The following RSRC1 variants were observed in gnomAD, a reference collection of about 807,000 sequenced individuals.
RSRC1 encodes serine/Arginine-related protein 53.
Under a neutral mutation model 49.1 loss-of-function variants are expected in RSRC1, and 39 were observed. The ratio of observed to expected loss-of-function variants is 0.79; its 90% CI spans 0.61 to 1.04. The LOEUF (loss-of-function observed/expected upper bound fraction) is 1.04, where lower values mean the gene tolerates loss of function less well. Among genes scored for constraint, RSRC1 ranks in the 50% least tolerant of loss-of-function variants. The pLI is 0.00. For missense variants in RSRC1, 388 were observed against 402.4 expected, an observed-to-expected ratio of 0.96 and a Z score of 0.31; for synonymous variants, 143 against 130.8, an observed-to-expected ratio of 1.09 and a Z score of -0.63.
intron 6 of RSRC1, among the ~76,000 whole-genome samples, chr3:158,370,711 A>AAGC (rs1443614795): frequency 6.6e-6 from 1 of 151,762 alleles, no homozygotes; most frequent in African/African-American, 2.4e-5. Flanking sequence ...GCTTATATGG[A>AAGC]TGTTTGTGTA....
In RSRC1 at chr3:158,171,917, A is replaced by T. The variant is rs76756643; in HGVS notation, c.321-31155A>T. Among the ~76,000 whole-genome samples, 37 of 152,138 alleles carry T rather than the reference A, an allele frequency of 2.4e-4. 2 individuals are homozygous for T. In the East Asian group the frequency reaches 3.1e-3, roughly 13 times the overall value. ...GAGCAAACCATGATCATCCCACTGC[A>T]CTCCAGCCTGGGTAACAGAGCAAGG... On this transcript the variant is annotated intron_variant, in intron 3 of 9. Transcript: ENST00000611884.
chr3:158,229,423 T>C (rs1416441727), intron 4 of RSRC1, among the ~76,000 whole-genome samples: 4 of 150,098 alleles, frequency 2.7e-5, no homozygotes, highest in African/African-American at 7.3e-5. Flanking sequence ...TGTGTATGTA[T>C]GTATGTATAT....
intron 4 of RSRC1, among the ~76,000 whole-genome samples, chr3:158,289,679 T>G (rs1238540234): frequency 2.0e-5 from 3 of 152,304 alleles, no homozygotes; most frequent in Middle Eastern, 6.8e-3. Context: ...AAGAGAAAAG[T>G]GCTAAGAATT....
rs553605000 is a variant in RSRC1 at position 158,514,607 on chromosome 3, G to T, written c.653-22485G>T. Among the ~76,000 whole-genome samples the T allele has an allele frequency of 3.9e-5, 6 of 152,208 alleles. No individual in the cohort carries two copies. In the South Asian group the frequency reaches 6.2e-4, roughly 16 times the overall value. On this transcript the variant is annotated intron_variant, in intron 7 of 9. Transcript: ENST00000611884. ...ATGTATATTCTGTTGATTTGGGATG[G>T]AGAGTTCTGTAGATGTCTATTATGT...
intron 7 of RSRC1, among the ~76,000 whole-genome samples, chr3:158,467,940 A>C (rs1467009652): frequency 1.3e-5 from 2 of 152,124 alleles, no homozygotes; most frequent in Non-Finnish European, 2.9e-5. Context: ...TGTGAGGAAA[A>C]ATTATTTTTT....
At chr3:158,172,706 C>T (rs1718945979) in intron 3 of RSRC1, among the ~76,000 whole-genome samples, 1 of 152,136 alleles carries the variant, frequency 6.6e-6, no homozygotes, top group Admixed American at 6.5e-5. Flanking sequence ...ATGTCATCAT[C>T]TTTTAGGATG....
At chr3:158,483,839 G>A (rs749928805) in intron 7 of RSRC1, among the ~76,000 whole-genome samples, 113 of 151,894 alleles carry the variant, frequency 7.4e-4, no homozygotes, top group African/African-American at 8.2e-4. Flanking sequence ...GATTAGTTAC[G>A]CCTGACTAGT....
intron 6 of RSRC1, among the ~76,000 whole-genome samples, chr3:158,382,606 C>A (rs1276785553): frequency 2.6e-5 from 4 of 152,132 alleles, no homozygotes; most frequent in Non-Finnish European, 4.4e-5. Flanking sequence ...CAGTCTAATA[C>A]TGTTAGGTGT....
intron 6 of RSRC1, among the ~76,000 whole-genome samples, chr3:158,425,819 T>G (rs1280171525): frequency 6.6e-6 from 1 of 151,794 alleles, no homozygotes; most frequent in African/African-American, 2.4e-5. Flanking sequence ...AGTTTAATTT[T>G]AAAAATTCAT....
At chr3:158,493,923 T>A (rs1739199413) in intron 7 of RSRC1, among the ~76,000 whole-genome samples, 1 of 152,204 alleles carries the variant, frequency 6.6e-6, no homozygotes, top group Non-Finnish European at 1.5e-5. Flanking sequence ...CCAAATTTAG[T>A]TTAATTTATA....
chr3:158,279,621 T>C (rs1341516540), intron 4 of RSRC1, among the ~76,000 whole-genome samples: 2 of 152,238 alleles, frequency 1.3e-5, no homozygotes, highest in East Asian at 1.9e-4. Flanking sequence ...ATATAGGTTA[T>C]TTTTTATTTT....
At chr3:158,492,180 A>C (rs978943057) in intron 7 of RSRC1, among the ~76,000 whole-genome samples, 1 of 152,120 alleles carries the variant, frequency 6.6e-6, no homozygotes, top group African/African-American at 2.4e-5. Flanking sequence ...GAACTCACTC[A>C]CTATTACAAG....
At chr3:158,438,620 A>G (rs1042629264) in intron 6 of RSRC1, among the ~76,000 whole-genome samples, 1 of 152,212 alleles carries the variant, frequency 6.6e-6, no homozygotes, top group African/African-American at 2.4e-5. Flanking sequence ...AGCCATATGT[A>G]GAAAGCTGAA....
In RSRC1 at chr3:158,354,073, T is replaced by G. The variant is rs187393248; in HGVS notation, c.532-784T>G. Among the ~76,000 whole-genome samples, 737 of 140,844 alleles carry G rather than the reference T, an allele frequency of 5.2e-3. 4 individuals carry two copies. The highest frequency in any genetic ancestry group is 0.018 in the African/African-American group (697 of 37,884). The allele number at this position is 140,844 out of a possible 152,430, so 92.4% of individuals were successfully genotyped here. On this transcript the variant is annotated intron_variant, in intron 5 of 9. Coordinates refer to ENST00000611884, the MANE Select transcript of RSRC1 (RefSeq NM_001271838.2). ...ATACAGTGGCACGATCTTGGCTCACTGCAACCTCCCAGGTTCAAGCAATTC... is the reference window on the plus strand; with the variant it reads ...ATACAGTGGCACGATCTTGGCTCACGGCAACCTCCCAGGTTCAAGCAATTC...
rs568540185 is a variant in RSRC1 at position 158,119,471 on chromosome 3, G to A, written c.-2-2632G>A. Among the ~76,000 whole-genome samples the A allele has an allele frequency of 1.3e-3, 192 of 152,134 alleles. 2 individuals carry two copies. In the South Asian group the frequency reaches 0.022, roughly 17 times the overall value. On this transcript the variant is annotated intron_variant, in intron 1 of 9. Transcript: ENST00000611884. ...AAAACAAGATAGCAAGATAGTAAAA[G>A]CTCATCTTAATTTAAATGGTTATTT...
chr3:158,129,261 C>T lies in RSRC1; in HGVS notation c.320+5270C>T, dbSNP rs960902695. On this transcript the variant is annotated intron_variant, in intron 3 of 9. Transcript: ENST00000611884. ...GTTAGGTTCAATTATTTTCTTCATA[C>T]GGAGATCTAGGAACATTTCTTTCTT... Among the ~76,000 whole-genome samples the T allele has an allele frequency of 3.4e-5, 5 of 145,384 alleles. No homozygotes were observed. In the East Asian group the frequency reaches 6.0e-4, roughly 17 times the overall value.
chr3:158,229,319 C>A (rs1722790248), intron 4 of RSRC1, among the ~76,000 whole-genome samples: 1 of 145,956 alleles, frequency 6.9e-6, no homozygotes, highest in African/African-American at 2.5e-5. Flanking sequence ...TGTATATAAA[C>A]ATACACAGGT....
At chr3:158,510,815 A>AT (rs1740121424) in intron 7 of RSRC1, among the ~76,000 whole-genome samples, 1 of 151,956 alleles carries the variant, frequency 6.6e-6, no homozygotes, top group Non-Finnish European at 1.5e-5. Flanking sequence ...CCCACACTTG[A>AT]TTTTTCTTCT....
chr3:158,422,808 G>A (rs1188093536), intron 6 of RSRC1, among the ~76,000 whole-genome samples: 2 of 148,500 alleles, frequency 1.3e-5, no homozygotes, highest in Admixed American at 6.7e-5. Flanking sequence ...GTTTTGATTT[G>A]CGTTTCTCTG....
Sources: gnomAD v4.1 joint callset for allele counts (sites outside exome capture counted in the v4.1 genomes callset) on GRCh38, gnomAD v4.1.1 for gene constraint, MANE v1.5 for transcripts, NCBI Gene and HGNC (gene_info 2026-07-23, HGNC 2026-07-21) for gene names.